DOCK2: variants seen among roughly 807,000 people sequenced by gnomAD.
DOCK2 encodes dedicator of cytokinesis protein 2.
A neutral mutation model predicts 248.9 loss-of-function variants in DOCK2; 87 were observed. The observed-to-expected ratio is 0.35, with a 90% confidence interval of 0.29 to 0.42. The LOEUF (loss-of-function observed/expected upper bound fraction) is 0.42, where lower values mean the gene tolerates loss of function less well. Ranked by LOEUF, DOCK2 falls within the 10% of genes least tolerant of loss-of-function variation. The pLI is 1.00. For synonymous variants in DOCK2, 805 were observed against 821.6 expected (o/e 0.98, Z 0.35); for missense variants, 1,747 against 2,300.2 (o/e 0.76, Z 4.92).
At chr5:169,982,932 A>G (rs1264514096) in intron 27 of DOCK2, 136 bp from the exon 28 acceptor site, 4 of 788,010 alleles carry the variant, frequency 5.1e-6, no homozygotes, top group Non-Finnish European at 8.3e-6. Flanking sequence ...CGGCACTGCT[A>G]TTACAGTCCC....
At chr5:169,719,841 G>A (rs1003416131) in intron 22 of DOCK2, among the ~76,000 whole-genome samples, 1 of 151,578 alleles carries the variant, frequency 6.6e-6, no homozygotes, top group Non-Finnish European at 1.5e-5. Flanking sequence ...GCCACTTATG[G>A]TGTGGACTTG....
chr5:169,668,615 A>T (rs959281941), intron 2 of DOCK2, among the ~76,000 whole-genome samples: 1 of 152,214 alleles, frequency 6.6e-6, no homozygotes, highest in Non-Finnish European at 1.5e-5. Flanking sequence ...CATTACAGTC[A>T]TCAGGACTTG....
In DOCK2 at chr5:170,069,565, A is replaced by G. The variant is rs1310974155; in HGVS notation, c.4728+345A>G. On this transcript the variant is annotated intron_variant, in intron 46 of 51. Transcript: ENST00000520908. ...CACTCCAAACCAGCACCTTCCCCCG[A>G]CACCCAGCACAGGCCAATCTGATAA... Among the ~76,000 whole-genome samples, 4 of 152,086 alleles carry G rather than the reference A, an allele frequency of 2.6e-5. No individual in the cohort carries two copies. In the East Asian group the frequency reaches 7.7e-4, roughly 29 times the overall value.
intron 27 of DOCK2, among the ~76,000 whole-genome samples, chr5:169,929,203 C>G (rs1775623939): frequency 6.6e-6 from 1 of 152,202 alleles, no homozygotes; most frequent in Non-Finnish European, 1.5e-5. Context: ...AGTCATGACA[C>G]ATTTATAAGC....
At chr5:169,897,709 G>A (rs1218690661) in intron 27 of DOCK2, among the ~76,000 whole-genome samples, 1 of 152,132 alleles carries the variant, frequency 6.6e-6, no homozygotes, top group African/African-American at 2.4e-5. Context: ...CTTGTGACGG[G>A]GTGAGCTCCC....
chr5:170,012,325 A>G (rs1431004015), intron 32 of DOCK2, among the ~76,000 whole-genome samples: 1 of 152,198 alleles, frequency 6.6e-6, no homozygotes, highest in Non-Finnish European at 1.5e-5. Context: ...AAGGGTGTGA[A>G]ATAACCAACG....
chr5:169,818,481 G>A (rs1316451381), intron 26 of DOCK2, among the ~76,000 whole-genome samples: 1 of 152,146 alleles, frequency 6.6e-6, no homozygotes, highest in East Asian at 1.9e-4. Flanking sequence ...GGTGGTACTG[G>A]GGCCTCTCTG....
At chr5:169,688,645 A>G (rs1760120013) in intron 8 of DOCK2, among the ~76,000 whole-genome samples, 2 of 152,178 alleles carry the variant, frequency 1.3e-5, no homozygotes, top group Admixed American at 6.5e-5. Flanking sequence ...AGCATTTCAT[A>G]TTTGGGATTT....
rs763219519 is a variant in DOCK2, at chr5:169,933,081, G to A, written c.2800-49987G>A. ...TTGCCTTTCCACCTATCCTACAGTCGTTAAGTAAGAGAGATGCCCTTACTC... is the reference window on the plus strand; with the variant it reads ...TTGCCTTTCCACCTATCCTACAGTCATTAAGTAAGAGAGATGCCCTTACTC... On this transcript the variant is annotated intron_variant, in intron 27 of 51. Coordinates refer to ENST00000520908, the MANE Select transcript of DOCK2 (RefSeq NM_004946.3). Among the ~76,000 whole-genome samples the A allele has an allele frequency of 7.2e-5, 11 of 152,132 alleles. 1 individual carries two copies. The highest frequency in any genetic ancestry group is 4.1e-4 in the South Asian group (2 of 4,822).
At chr5:169,668,301 C>A (rs1322473703) in intron 2 of DOCK2, among the ~76,000 whole-genome samples, 1 of 152,202 alleles carries the variant, frequency 6.6e-6, no homozygotes, top group Non-Finnish European at 1.5e-5. Context: ...CTTCCTTTCT[C>A]CTTTTCTCCT....
chr5:169,952,790 G>A (rs1393471930), intron 27 of DOCK2, among the ~76,000 whole-genome samples: 3 of 152,124 alleles, frequency 2.0e-5, no homozygotes, highest in Non-Finnish European at 4.4e-5. Context: ...AGGGTACAGA[G>A]TTGCCACATG....
At chr5:169,711,085 A>G (rs1037580295) in intron 15 of DOCK2, among the ~76,000 whole-genome samples, 1 of 152,214 alleles carries the variant, frequency 6.6e-6, no homozygotes, top group South Asian at 2.1e-4. Context: ...TGAAACATAG[A>G]CAGGATGGTG....
rs775705014 is a variant in DOCK2, at chr5:170,078,958, C to A, written c.4995-17C>A. 1.2e-6 allele frequency: 2 copies of A among 1,612,676 alleles called. No homozygotes were observed. Among genetic ancestry groups the A allele is most frequent in the Non-Finnish European group, 1.7e-6 (2 of 1,179,038 alleles). On this transcript the variant is annotated splice_polypyrimidine_tract_variant and intron_variant, in intron 48 of 51. Coordinates refer to ENST00000520908, the MANE Select transcript of DOCK2 (RefSeq NM_004946.3). ...GCTCTAACTGCAGTTTCTATTGCTG[C>A]CCCTCTGGCCTTTCAGCTTTGACCT...
At chr5:169,980,852 C>T (rs1777915841) in intron 27 of DOCK2, 1 of 152,220 alleles carries the variant, frequency 6.6e-6, no homozygotes, top group Admixed American at 6.5e-5. Flanking sequence ...CAAGGAGTTG[C>T]CTGCCACCCA....
chr5:169,896,803 T>C (rs894395351), intron 27 of DOCK2, among the ~76,000 whole-genome samples: 3 of 152,176 alleles, frequency 2.0e-5, no homozygotes, highest in African/African-American at 7.2e-5. Flanking sequence ...AGTCGATTGA[T>C]AATGTAGAAG....
intron 27 of DOCK2, among the ~76,000 whole-genome samples, chr5:169,857,328 G>A (rs1384609834): frequency 1.3e-5 from 2 of 152,208 alleles, no homozygotes; most frequent in African/African-American, 4.8e-5. Flanking sequence ...AATTTATTCT[G>A]AAACAATGTG....
intron 26 of DOCK2, among the ~76,000 whole-genome samples, chr5:169,819,287 G>A (rs188995302): frequency 7.3e-4 from 111 of 152,256 alleles, no homozygotes; most frequent in African/African-American, 2.5e-3. Context: ...TCCAGCCTGG[G>A]CAACAAGAGC....
At chr5:169,884,252 C>G (rs1772841998) in intron 27 of DOCK2, 1 of 181,220 alleles carries the variant, frequency 5.5e-6, no homozygotes, top group Non-Finnish European at 1.1e-5. Context: ...TTGGAAGAAG[C>G]TGGCTGTCTT....
intron 32 of DOCK2, among the ~76,000 whole-genome samples, chr5:170,009,088 G>A (rs769729580): frequency 2.6e-5 from 4 of 151,892 alleles, no homozygotes; most frequent in Admixed American, 6.6e-5. Flanking sequence ...TGATTGGAGG[G>A]TCCTTCTGCA....
Sources: allele counts gnomAD v4.1 joint callset (sites outside exome capture counted in the v4.1 genomes callset), GRCh38; gene constraint gnomAD v4.1.1; transcripts MANE v1.5; gene names NCBI Gene and HGNC (gene_info 2026-07-23, HGNC 2026-07-21).